Variants in DYNC1I1 observed in about 807,000 individuals in gnomAD.
The protein encoded by DYNC1I1 is dynein cytoplasmic 1 intermediate chain 1.
A neutral mutation model predicts 86.6 loss-of-function variants in DYNC1I1; 43 were observed. The observed-to-expected ratio is 0.50, with a 90% CI of 0.39 to 0.64. The LOEUF is 0.64. Ranked by LOEUF, DYNC1I1 falls within the 30% of genes least tolerant of loss-of-function variation. DYNC1I1 has a pLI of 0.00. For synonymous variants in DYNC1I1, 262 were observed against 283.7 expected (o/e 0.92, Z 0.77); for missense variants, 604 against 788.8 (o/e 0.77, Z 2.81).
At chr7:95,966,794 A>G (rs1251619546) in intron 6 of DYNC1I1, among the ~76,000 whole-genome samples, 2 of 152,216 alleles carry the variant, frequency 1.3e-5, no homozygotes, top group African/African-American at 4.8e-5. Flanking sequence ...TTACCACACA[A>G]TATGTGGTCA....
intron 16 of DYNC1I1, among the ~76,000 whole-genome samples, chr7:96,104,942 T>C (rs951394977): frequency 6.6e-6 from 1 of 152,142 alleles, no homozygotes; most frequent in African/African-American, 2.4e-5. Flanking sequence ...GGAATTTCAC[T>C]GGATCTGTAT....
intron 10 of DYNC1I1, among the ~76,000 whole-genome samples, chr7:96,011,652 A>G (rs758325704): frequency 3.9e-5 from 6 of 152,224 alleles, no homozygotes; most frequent in Non-Finnish European, 7.3e-5. Context: ...TATCACTGCC[A>G]ATTTTAAAAG....
At chr7:95,789,870 G>A (rs1393714963) in intron 1 of DYNC1I1, among the ~76,000 whole-genome samples, 2 of 152,170 alleles carry the variant, frequency 1.3e-5, no homozygotes, top group Non-Finnish European at 2.9e-5. Context: ...AATAATATGT[G>A]TATGTAACAG....
intron 10 of DYNC1I1, among the ~76,000 whole-genome samples, chr7:95,999,494 G>A (rs1246807814): frequency 3.3e-5 from 5 of 152,190 alleles, no homozygotes; most frequent in Admixed American, 1.3e-4. Context: ...CCTCGTTTGT[G>A]TCAGTGTTTA....
At chr7:96,044,634 C>A (rs1052973841) in intron 14 of DYNC1I1, among the ~76,000 whole-genome samples, 18 of 152,056 alleles carry the variant, frequency 1.2e-4, no homozygotes, top group Non-Finnish European at 2.4e-4. Flanking sequence ...GCAGCAACAT[C>A]TCTTCTGTTG....
At chr7:95,918,424 A>C (rs1791524882) in intron 6 of DYNC1I1, among the ~76,000 whole-genome samples, 2 of 152,154 alleles carry the variant, frequency 1.3e-5, no homozygotes, top group Admixed American at 1.3e-4. Context: ...TTGCTAACCA[A>C]GGAAGAAGGG....
intron 5 of DYNC1I1, among the ~76,000 whole-genome samples, chr7:95,853,274 C>T (rs2633941): frequency 0.72 from 109,050 of 152,082 alleles, 40,813 homozygotes; most frequent in Non-Finnish European, 0.84. Context: ...CCTTCATGAA[C>T]AGATAAATGT....
intron 10 of DYNC1I1, among the ~76,000 whole-genome samples, chr7:96,011,952 G>A (rs1049434992): frequency 2.6e-5 from 4 of 152,166 alleles, no homozygotes; most frequent in South Asian, 2.1e-4. Flanking sequence ...GACACATACC[G>A]ATCAGCATAA....
In DYNC1I1 at chr7:95,955,328, AT is replaced by A. The variant is rs934550272; in HGVS notation, c.491-22173del. ...TTGGAAATTTTGATTTATTTTATGA[AT>A]TTTTTTTTTTAAAGACAAGATCCCA... On this transcript the variant is annotated intron_variant, in intron 6 of 16. Transcript: ENST00000447467. Among the ~76,000 whole-genome samples, 419 of 148,700 alleles carry A rather than the reference AT, an allele frequency of 2.8e-3. 1 individual carries two copies. Among genetic ancestry groups the A allele is most frequent in the East Asian group, 0.013 (67 of 5,104 alleles).
intron 14 of DYNC1I1, among the ~76,000 whole-genome samples, chr7:96,039,672 G>T (rs1002778033): frequency 3.9e-5 from 6 of 152,018 alleles, no homozygotes; most frequent in Non-Finnish European, 8.8e-5. Flanking sequence ...TAAAGCTGCA[G>T]TCCTCCTCTA....
intron 6 of DYNC1I1, among the ~76,000 whole-genome samples, chr7:95,886,533 C>A (rs1790597388): frequency 6.6e-6 from 1 of 152,068 alleles, no homozygotes; most frequent in Non-Finnish European, 1.5e-5. Context: ...TAGCAAATAA[C>A]CAAGCCAGAA....
chr7:95,829,168 G>A (rs1795266626), intron 5 of DYNC1I1, among the ~76,000 whole-genome samples: 1 of 152,036 alleles, frequency 6.6e-6, no homozygotes. Context: ...AGATTCCTGG[G>A]CATATATCTC....
intron 12 of DYNC1I1, among the ~76,000 whole-genome samples, chr7:96,034,474 A>G (rs997907653): frequency 3.9e-5 from 6 of 152,162 alleles, no homozygotes; most frequent in African/African-American, 1.4e-4. Context: ...ACAAAGATGG[A>G]GGATTTCGTG....
At chr7:95,973,197 T>A (rs1793218349) in intron 6 of DYNC1I1, among the ~76,000 whole-genome samples, 1 of 152,152 alleles carries the variant, frequency 6.6e-6, no homozygotes, top group Admixed American at 6.5e-5. Context: ...TTGAAAATGG[T>A]TTCAACAGAA....
intron 14 of DYNC1I1, among the ~76,000 whole-genome samples, chr7:96,051,272 T>A (rs186682281): frequency 1.4e-4 from 22 of 152,320 alleles, no homozygotes; most frequent in Non-Finnish European, 2.8e-4. Context: ...GTTCATGTAT[T>A]TGCCAGGTCA....
intron 13 of DYNC1I1, among the ~76,000 whole-genome samples, chr7:96,038,298 T>A (rs1376155674): frequency 6.6e-6 from 1 of 152,234 alleles, no homozygotes; most frequent in Non-Finnish European, 1.5e-5. Context: ...CTACAATTCC[T>A]ACATATTTGT....
intron 6 of DYNC1I1, among the ~76,000 whole-genome samples, chr7:95,922,729 C>T (rs917689941): frequency 6.6e-6 from 1 of 152,074 alleles, no homozygotes; most frequent in Non-Finnish European, 1.5e-5. Flanking sequence ...GGAAAAGCAG[C>T]AGCCCCCGGT....
chr7:95,812,461 T>A (rs796550805), intron 3 of DYNC1I1, among the ~76,000 whole-genome samples: 6 of 152,300 alleles, frequency 3.9e-5, no homozygotes, highest in African/African-American at 1.4e-4. Context: ...ATTTTCAGCT[T>A]GTGCCGACCT....
chr7:95,888,806 C>A (rs540887539), intron 6 of DYNC1I1, among the ~76,000 whole-genome samples: 57 of 152,256 alleles, frequency 3.7e-4, no homozygotes, highest in African/African-American at 1.3e-3. Flanking sequence ...TACTTCTGGG[C>A]ACAAAATAGC....
Sources: allele counts gnomAD v4.1 joint callset (sites outside exome capture counted in the v4.1 genomes callset), GRCh38; gene constraint gnomAD v4.1.1; transcripts MANE v1.5; gene names NCBI Gene and HGNC (gene_info 2026-07-23, HGNC 2026-07-21).